Variants in PLEKHG7 observed in about 807,000 individuals in gnomAD.
The protein encoded by PLEKHG7 is pleckstrin homology and RhoGEF domain containing G7.
In PLEKHG7, 77 loss-of-function variants were observed where a neutral mutation model predicts 85.2. That is an observed-to-expected ratio of 0.90 (90% CI 0.75 to 1.09). The LOEUF is 1.09. PLEKHG7 is among the 50% of genes least tolerant of loss of function. The probability of loss-of-function intolerance (pLI) is 0.00; values close to 1 mark genes in which losing one functional copy is unlikely to be tolerated. For synonymous variants in PLEKHG7, 301 were observed against 302.4 expected (o/e 1.00, Z 0.05); for missense variants, 777 against 804.3 (o/e 0.97, Z 0.41).
At chr12:92,721,504 T>C (rs1871640395) in intron 3 of PLEKHG7, 5 of 1,230,496 alleles carry the variant, frequency 4.1e-6, no homozygotes, top group Admixed American at 8.5e-5. Context: ...TCTGACCAGC[T>C]TGGGGCAACG....
At position 92,755,952 on chromosome 12, in the gene PLEKHG7, A is replaced by T. The variant is rs1240044191; in HGVS notation, c.1542+12A>T. On this transcript the variant is annotated intron_variant, in intron 12 of 16. Transcript: ENST00000344636. ...TTTTCATTCCAGAGGTACAAAAAAA[A>T]AATCAATTAGGACTTATGTCCATTT... The T allele has an allele frequency of 1.3e-6, 2 of 1,566,582 alleles. No homozygotes were observed. Among genetic ancestry groups the T allele is most frequent in the South Asian group, 2.3e-5 (2 of 87,156 alleles).
At position 92,764,213 on chromosome 12, in the gene PLEKHG7, T is replaced by C. The variant is rs750025254; in HGVS notation, c.1870+19T>C. On this transcript the variant is annotated intron_variant, in intron 15 of 16. Coordinates refer to ENST00000344636, the MANE Select transcript of PLEKHG7 (RefSeq NM_001377329.1). ...GTGTCAGGTATGTGTCTATTTTCAT[T>C]ATTCAGCTCATCTGTTTGCCATCAC... 1.9e-5 allele frequency: 30 copies of C among 1,580,128 alleles called. No homozygotes were observed. The Admixed American group carries it at 3.7e-4, about 19-fold the overall frequency.
intron 1 of PLEKHG7, among the ~76,000 whole-genome samples, chr12:92,704,710 C>A (rs1408018187): frequency 3.3e-5 from 5 of 152,224 alleles, no homozygotes; most frequent in African/African-American, 9.6e-5. Flanking sequence ...ACTCACCAGT[C>A]TGAAATCCAG....
At chr12:92,748,721 A>G (rs1226401429) in intron 10 of PLEKHG7, among the ~76,000 whole-genome samples, 1 of 152,212 alleles carries the variant, frequency 6.6e-6, no homozygotes, top group Non-Finnish European at 1.5e-5. Flanking sequence ...AGAAAGAACC[A>G]TAGCAAGATT....
rs781390858 is a variant in PLEKHG7 at position 92,740,880 on chromosome 12, C to A, written c.967C>A (p.Gln323Lys). The change falls in exon 8 of 17, where the codon CAA (glutamine) becomes AAA (lysine). Residue 323 changes from glutamine (Q) to lysine (K), a missense_variant. By Grantham distance (53) the Gln-to-Lys change is moderately conservative (BLOSUM62 1). Around this residue, in one of 3 missense-constraint regions of PLEKHG7, gnomAD observed 520 missense variants for 544.0 expected, o/e 0.96. Transcript: ENST00000344636. ...CTTTATGAATACACTAAGATATCTGCAAACTCATGAATATCTCCTAGATGT... is the reference window on the plus strand; with the variant it reads ...CTTTATGAATACACTAAGATATCTGAAAACTCATGAATATCTCCTAGATGT... ...MIFMNTLRYL[Q>K]THEYLLDVDL... is the part of the protein sequence containing the mutation. 2 of 1,610,032 alleles carry A rather than the reference C, an allele frequency of 1.2e-6. No homozygotes were observed. Among genetic ancestry groups the A allele is most frequent in the East Asian group, 2.2e-5 (1 of 44,736 alleles).
intron 1 of PLEKHG7, among the ~76,000 whole-genome samples, chr12:92,704,722 A>G (rs542711738): frequency 7.9e-5 from 12 of 152,318 alleles, no homozygotes; most frequent in Non-Finnish European, 1.0e-4. Context: ...GAAATCCAGT[A>G]CCTGTTAGTT....
intron 13 of PLEKHG7, among the ~76,000 whole-genome samples, chr12:92,758,395 A>G (rs1284396086): frequency 6.6e-6 from 1 of 152,216 alleles, no homozygotes; most frequent in African/African-American, 2.4e-5. Flanking sequence ...TATGTATCTG[A>G]AAGTTTTGTT....
At chr12:92,716,308 G>A (rs537562449) in intron 3 of PLEKHG7, among the ~76,000 whole-genome samples, 3 of 152,238 alleles carry the variant, frequency 2.0e-5, no homozygotes, top group East Asian at 3.9e-4. Flanking sequence ...TTGTTGGCCA[G>A]GCTGGCCTCA....
intron 15 of PLEKHG7, among the ~76,000 whole-genome samples, chr12:92,767,684 A>G (rs1873247148): frequency 6.6e-6 from 1 of 152,204 alleles, no homozygotes; most frequent in East Asian, 1.9e-4. Flanking sequence ...AGTTAAGAAA[A>G]TAAGTATTGT....
chr12:92,722,906 T>G (rs1402539386), intron 3 of PLEKHG7, among the ~76,000 whole-genome samples: 1 of 152,244 alleles, frequency 6.6e-6, no homozygotes, highest in Admixed American at 6.5e-5. Flanking sequence ...TAAGATCCAG[T>G]ATGAATCTTC....
chr12:92,769,288 AG>A (rs1873325906), intron 16 of PLEKHG7, among the ~76,000 whole-genome samples: 1 of 152,128 alleles, frequency 6.6e-6, no homozygotes, highest in African/African-American at 2.4e-5. Context: ...TGTGGGGTTG[AG>A]GAACAATTTC....
Position 92,706,778 on chromosome 12 carries a change from C to T in PLEKHG7, c.147C>T (p.Pro49=). The change falls in exon 2 of 17, where the codon CCC becomes CCT. Residue 49 remains proline (P), a synonymous_variant. Coordinates refer to ENST00000344636, the MANE Select transcript of PLEKHG7 (RefSeq NM_001377329.1). The part of the protein sequence containing the change: ...RQAPGRISTS[P]TLRRLRTRGC... ...CCCCAGGCCGCATCTCCACCTCGCC[C>T]ACTTTGAGGAGATTAAGGACCCGTG... 19 of 1,614,042 alleles carry T rather than the reference C, an allele frequency of 1.2e-5. No homozygotes were observed. The highest frequency in any genetic ancestry group is 1.6e-5 in the Non-Finnish European group (19 of 1,180,040).
intron 5 of PLEKHG7, among the ~76,000 whole-genome samples, chr12:92,736,221 T>C (rs1331800693): frequency 1.4e-5 from 2 of 144,136 alleles, no homozygotes; most frequent in Non-Finnish European, 3.0e-5. Flanking sequence ...GTGCCTAGGA[T>C]TTTTTTTTTT....
chr12:92,712,869 T>G (rs1221657566), intron 3 of PLEKHG7, among the ~76,000 whole-genome samples: 2 of 152,132 alleles, frequency 1.3e-5, no homozygotes, highest in Non-Finnish European at 2.9e-5. Context: ...AAAACTCCAT[T>G]AATTACCTGA....
chr12:92,760,256 G>T (rs1365269424), intron 13 of PLEKHG7, among the ~76,000 whole-genome samples: 1 of 152,144 alleles, frequency 6.6e-6, no homozygotes, highest in Non-Finnish European at 1.5e-5. Flanking sequence ...AAGAGAAGGG[G>T]AGAATGGTTT....
rs566992289 is a variant in PLEKHG7, at chr12:92,765,860, C to G, written c.1870+1666C>G. Among the ~76,000 whole-genome samples, 12 of 152,278 alleles carry G rather than the reference C, an allele frequency of 7.9e-5. No individual in the cohort carries two copies. In the East Asian group the frequency reaches 2.1e-3, roughly 27 times the overall value. ...ATTAACCCATGAATTAATATAACCT[C>G]TCTCTCCAAGAGCAGAAGGGAAGCC... On this transcript the variant is annotated intron_variant, in intron 15 of 16. Transcript: ENST00000344636.
At position 92,755,992 on chromosome 12, in the gene PLEKHG7, T is replaced by C. The variant is rs375939478; in HGVS notation, c.1542+52T>C. Reference sequence around the variant, plus strand: ...TATGTCCATTTCTGGAATTTGGGCATTCAGATAGAAATACAATCATCTTAG... The same window carrying C: ...TATGTCCATTTCTGGAATTTGGGCACTCAGATAGAAATACAATCATCTTAG... On this transcript the variant is annotated intron_variant, in intron 12 of 16. Coordinates refer to ENST00000344636, the MANE Select transcript of PLEKHG7 (RefSeq NM_001377329.1). The C allele has an allele frequency of 1.3e-4, 164 of 1,266,782 alleles. No individual in the cohort carries two copies. The African/African-American group carries it at 2.1e-3, about 16-fold the overall frequency. The allele number at this position is 1,266,782 out of a possible 1,614,324, so 78.5% of individuals were successfully genotyped here. A position where few individuals can be genotyped will look rare whatever the true frequency, so the allele number is the denominator to read the frequency against.
At chr12:92,715,431 C>G (rs1222443777) in intron 3 of PLEKHG7, among the ~76,000 whole-genome samples, 1 of 152,130 alleles carries the variant, frequency 6.6e-6, no homozygotes, top group Non-Finnish European at 1.5e-5. Flanking sequence ...AGTTGATACT[C>G]AGTATTAACC....
chr12:92,762,166 C>G (rs1364269441), intron 14 of PLEKHG7, among the ~76,000 whole-genome samples: 1 of 152,172 alleles, frequency 6.6e-6, no homozygotes, highest in African/African-American at 2.4e-5. Flanking sequence ...CAAAGGAACC[C>G]AAAACATCTT....
Sources: allele counts gnomAD v4.1 joint callset (sites outside exome capture counted in the v4.1 genomes callset), GRCh38; gene constraint gnomAD v4.1.1; regional missense constraint gnomAD v4.1.1; transcripts MANE v1.5; gene names NCBI Gene and HGNC (gene_info 2026-07-23, HGNC 2026-07-21).